Variants in C8orf34 observed in about 807,000 individuals in gnomAD.
C8orf34 encodes the protein uncharacterized protein C8orf34.
C8orf34 carries 65 observed loss-of-function variants against 68.3 expected under a neutral mutation model. The ratio of observed to expected loss-of-function variants is 0.95; its 90% CI spans 0.78 to 1.17. C8orf34 has a LOEUF of 1.17. Among genes scored for constraint, C8orf34 ranks in the 50% most tolerant of loss-of-function variants. The probability of loss-of-function intolerance (pLI) is 0.00; values close to 1 mark genes in which losing one functional copy is unlikely to be tolerated. For synonymous variants in C8orf34, 244 were observed against 241.2 expected (o/e 1.01, Z -0.11); for missense variants, 664 against 655.4 (o/e 1.01, Z -0.14).
At chr8:68,567,179 G>T (rs180805041) in intron 7 of C8orf34, among the ~76,000 whole-genome samples, 3 of 152,120 alleles carry the variant, frequency 2.0e-5, no homozygotes, top group Non-Finnish European at 4.4e-5. Context: ...TCTCTGTCTT[G>T]TGGAATAATG....
At chr8:68,800,663 G>T (rs1447695350) in intron 12 of C8orf34, among the ~76,000 whole-genome samples, 1 of 152,108 alleles carries the variant, frequency 6.6e-6, no homozygotes, top group Non-Finnish European at 1.5e-5. Flanking sequence ...TTTTCTCACT[G>T]TATAGGTAGT....
chr8:68,636,200 C>G (rs145207919), intron 7 of C8orf34, among the ~76,000 whole-genome samples: 1 of 151,910 alleles, frequency 6.6e-6, no homozygotes, highest in Non-Finnish European at 1.5e-5. Flanking sequence ...AGGGGTGAAA[C>G]GAGGGAAACT....
chr8:68,494,874 A>G lies in C8orf34; in HGVS notation c.765+6823A>G, dbSNP rs144075541. On this transcript the variant is annotated intron_variant, in intron 5 of 13. Coordinates refer to ENST00000518698, the MANE Select transcript of C8orf34 (RefSeq NM_052958.4). The stretch of plus-strand genomic sequence containing the variant: ...CCATCTCAAAATATATATATATTAT[A>G]TATATCTCAAAAAATATATATCTCT... Among the ~76,000 whole-genome samples, 812 of 151,100 alleles carry G rather than the reference A, an allele frequency of 5.4e-3. 4 individuals carry two copies. The highest frequency in any genetic ancestry group is 7.6e-3 in the Non-Finnish European group (517 of 67,852).
intron 3 of C8orf34, among the ~76,000 whole-genome samples, chr8:68,465,120 T>C (rs1263421126): frequency 2.0e-5 from 3 of 151,216 alleles, no homozygotes; most frequent in South Asian, 4.2e-4. Flanking sequence ...AACAAACAAC[T>C]CCATCAAAAA....
chr8:68,709,946 T>C (rs1821284580), intron 9 of C8orf34, among the ~76,000 whole-genome samples: 6 of 152,074 alleles, frequency 3.9e-5, no homozygotes, highest in Admixed American at 3.3e-4. Flanking sequence ...AGTTAGAAGA[T>C]AAACTATAGG....
chr8:68,501,374 G>A (rs759210845), intron 5 of C8orf34, among the ~76,000 whole-genome samples: 3 of 152,120 alleles, frequency 2.0e-5, no homozygotes, highest in Non-Finnish European at 2.9e-5. Flanking sequence ...TGGGCGCCCC[G>A]GCTTCACTTC....
At chr8:68,701,724 A>G (rs539024612) in intron 8 of C8orf34, among the ~76,000 whole-genome samples, 1 of 152,166 alleles carries the variant, frequency 6.6e-6, no homozygotes, top group East Asian at 1.9e-4. Context: ...CTATGTTTCA[A>G]AACTCTCCAG....
Position 68,468,147 on chromosome 8 carries a change from ATT to A in C8orf34, c.608-542_608-541del, listed in dbSNP as rs542878698. Among the ~76,000 whole-genome samples, 36 of 152,066 alleles carry A rather than the reference ATT, an allele frequency of 2.4e-4. 2 individuals carry two copies. In the South Asian group the frequency reaches 5.0e-3, roughly 21 times the overall value. ...AAATCCAGTTACCACTCATCCATCC[ATT>A]TTGCATCTTCTCTCAAAATATATTG... On this transcript the variant is annotated intron_variant, in intron 3 of 13. Coordinates refer to ENST00000518698, the MANE Select transcript of C8orf34 (RefSeq NM_052958.4).
intron 12 of C8orf34, among the ~76,000 whole-genome samples, chr8:68,813,537 T>C (rs546790191): frequency 6.6e-6 from 1 of 152,314 alleles, no homozygotes; most frequent in East Asian, 1.9e-4. Context: ...TTCAGTGGTA[T>C]TAAAATAATA....
intron 1 of C8orf34, among the ~76,000 whole-genome samples, chr8:68,361,828 G>A (rs1413293321): frequency 6.6e-6 from 1 of 152,192 alleles, no homozygotes; most frequent in Non-Finnish European, 1.5e-5. Flanking sequence ...CTACAGAACT[G>A]TGAAATAATT....
chr8:68,406,969 C>T (rs888219077), intron 1 of C8orf34, among the ~76,000 whole-genome samples: 1 of 152,088 alleles, frequency 6.6e-6, no homozygotes, highest in Non-Finnish European at 1.5e-5. Flanking sequence ...AGCATGAAGC[C>T]AGGAGCTGTC....
intron 8 of C8orf34, among the ~76,000 whole-genome samples, chr8:68,676,108 G>A (rs1192248679): frequency 1.3e-5 from 2 of 152,182 alleles, no homozygotes; most frequent in Non-Finnish European, 2.9e-5. Flanking sequence ...GCTGAGGCTA[G>A]CTGCTTGCTT....
intron 8 of C8orf34, among the ~76,000 whole-genome samples, chr8:68,673,988 C>T (rs1425132140): frequency 6.6e-6 from 1 of 152,156 alleles, no homozygotes; most frequent in East Asian, 1.9e-4. Context: ...AAGAGTCTGC[C>T]TGGTAATCCA....
At chr8:68,334,848 T>C (rs566614752) in intron 1 of C8orf34, among the ~76,000 whole-genome samples, 1 of 152,188 alleles carries the variant, frequency 6.6e-6, no homozygotes, top group Admixed American at 6.5e-5. Context: ...CTTATCAAAC[T>C]TATGATCAAA....
chr8:68,362,425 A>C lies in C8orf34; in HGVS notation c.327+31086A>C, dbSNP rs148700492. On this transcript the variant is annotated intron_variant, in intron 1 of 13. Transcript: ENST00000518698. ...CCAAAGGCCATGGAGGGAGGAGCCAAGATGGCCGAATAGGAACAGCTCCAG... is the reference window on the plus strand; with the variant it reads ...CCAAAGGCCATGGAGGGAGGAGCCACGATGGCCGAATAGGAACAGCTCCAG... Among the ~76,000 whole-genome samples the C allele has an allele frequency of 6.6e-3, 1,002 of 152,366 alleles. 13 individuals are homozygous for C. Among genetic ancestry groups the C allele is most frequent in the African/African-American group, 0.023 (958 of 41,592 alleles).
At chr8:68,433,990 G>T (rs186961100) in intron 1 of C8orf34, among the ~76,000 whole-genome samples, 3 of 152,030 alleles carry the variant, frequency 2.0e-5, no homozygotes, top group Non-Finnish European at 4.4e-5. Flanking sequence ...TCTGTTACTG[G>T]TTATTAGACT....
At chr8:68,536,382 A>G (rs78337006) in intron 7 of C8orf34, among the ~76,000 whole-genome samples, 1 of 149,644 alleles carries the variant, frequency 6.7e-6, no homozygotes, top group Admixed American at 6.7e-5. Flanking sequence ...AAAAAAAAAA[A>G]AGAAGAAAAA....
chr8:68,518,140 C>T (rs1279429350), intron 5 of C8orf34, among the ~76,000 whole-genome samples: 1 of 152,068 alleles, frequency 6.6e-6, no homozygotes, highest in East Asian at 1.9e-4. Flanking sequence ...TCAGCATCAC[C>T]CAATATACCC....
intron 8 of C8orf34, among the ~76,000 whole-genome samples, chr8:68,699,963 T>C (rs1201641037): frequency 1.3e-5 from 2 of 152,118 alleles, no homozygotes; most frequent in South Asian, 2.1e-4. Context: ...TTAATCATTA[T>C]ACTTTAGAGG....
Sources: gnomAD v4.1 joint callset for allele counts (sites outside exome capture counted in the v4.1 genomes callset) on GRCh38, gnomAD v4.1.1 for gene constraint, MANE v1.5 for transcripts, NCBI Gene and HGNC (gene_info 2026-07-23, HGNC 2026-07-21) for gene names.